QTGAL: variants seen among roughly 807,000 people sequenced by gnomAD.
QTGAL encodes queuosine-tRNA galactosyltransferase.
the QTGAL span, chr17:83,005,058 G>A: frequency 7.0e-7 from 1 of 1,419,136 alleles, no homozygotes; most frequent in Non-Finnish European, 9.7e-7. The surrounding 1 kb of genome is among the most constrained non-coding windows in gnomAD (Gnocchi z 5.6). Flanking sequence ...TAATGCATGA[G>A]ATGGCGCCCA....
the QTGAL span, among the ~76,000 whole-genome samples, chr17:82,950,896 G>A: frequency 6.6e-3 from 1,009 of 152,276 alleles, 11 homozygotes; most frequent in African/African-American, 0.023. Flanking sequence ...GGGCCTTGCC[G>A]TTCCATTTCT....
chr17:82,962,708 G>A, the QTGAL span, among the ~76,000 whole-genome samples: 2 of 152,286 alleles, frequency 1.3e-5, no homozygotes, highest in African/African-American at 4.8e-5. Flanking sequence ...TTCAAAGGCA[G>A]CTCTAAAGAG....
At chr17:82,962,765 T>C in the QTGAL span, among the ~76,000 whole-genome samples, 1 of 152,212 alleles carries the variant, frequency 6.6e-6, no homozygotes, top group African/African-American at 2.4e-5. Context: ...GAAAAAAGGT[T>C]TCTCTCTTCC....
the QTGAL span, chr17:83,030,750 C>T: frequency 6.6e-6 from 1 of 152,368 alleles, no homozygotes; most frequent in Admixed American, 6.5e-5. Context: ...GGGCCCCTCT[C>T]CTCTCACCTG....
the QTGAL span, among the ~76,000 whole-genome samples, chr17:82,982,520 C>T: frequency 0.72 from 102,862 of 141,994 alleles, 35,064 homozygotes; most frequent in East Asian, 0.82. Context: ...TCAGAGCCCA[C>T]GAAAGGGCCT....
the QTGAL span, among the ~76,000 whole-genome samples, chr17:83,018,951 C>T: frequency 8.5e-5 from 13 of 152,338 alleles, no homozygotes; most frequent in Admixed American, 4.6e-4. Flanking sequence ...GTGGCACTCA[C>T]TGTCACTCCT....
the QTGAL span, among the ~76,000 whole-genome samples, chr17:83,039,300 C>A: frequency 5.4e-5 from 5 of 91,988 alleles, no homozygotes; most frequent in East Asian, 3.5e-4. Context: ...CGCCGCCCGC[C>A]CCTCTTCTAG....
the QTGAL span, chr17:83,014,336 G>A: frequency 8.9e-7 from 1 of 1,128,918 alleles, no homozygotes. Flanking sequence ...CCCTCTCCGT[G>A]ACTTGACAGT....
At chr17:82,969,362 T>C in the QTGAL span, among the ~76,000 whole-genome samples, 2 of 151,910 alleles carry the variant, frequency 1.3e-5, no homozygotes, top group African/African-American at 4.8e-5. Flanking sequence ...TTTCGCTACA[T>C]TGCCCAGGGC....
chr17:82,993,691 C>T, the QTGAL span, among the ~76,000 whole-genome samples: 1 of 151,970 alleles, frequency 6.6e-6, no homozygotes, highest in Admixed American at 6.6e-5. Flanking sequence ...ACATTCTTTT[C>T]CGCAGCACAT....
At chr17:83,010,780 G>A in the QTGAL span, among the ~76,000 whole-genome samples, 2 of 152,230 alleles carry the variant, frequency 1.3e-5, no homozygotes, top group African/African-American at 4.8e-5. Context: ...CAGGCAAGGA[G>A]CGGGGAACGG....
At chr17:82,977,462 T>C in the QTGAL span, among the ~76,000 whole-genome samples, 1 of 152,132 alleles carries the variant, frequency 6.6e-6, no homozygotes, top group African/African-American at 2.4e-5. Flanking sequence ...CAGTGGTCTC[T>C]ACCCCTTGGT....
At chr17:82,942,595 C>G in the QTGAL span, 3 of 1,227,296 alleles carry the variant, frequency 2.4e-6, no homozygotes, top group Non-Finnish European at 3.5e-6. Context: ...TGGAGGCTGG[C>G]ACTAGCTGAC....
the QTGAL span, among the ~76,000 whole-genome samples, chr17:83,020,702 C>T: frequency 6.6e-6 from 1 of 152,176 alleles, no homozygotes; most frequent in Non-Finnish European, 1.5e-5. Context: ...AAACCAGCGT[C>T]TCAAAGAGTT....
At chr17:83,015,032 C>T in the QTGAL span, among the ~76,000 whole-genome samples, 8 of 150,418 alleles carry the variant, frequency 5.3e-5, no homozygotes, top group Non-Finnish European at 7.4e-5. The surrounding 1 kb of genome is among the most constrained non-coding windows in gnomAD (Gnocchi z 4.4). Flanking sequence ...CCTGCCACCA[C>T]TGTTGAGGGG....
the QTGAL span, among the ~76,000 whole-genome samples, chr17:82,968,789 C>T: frequency 6.6e-6 from 1 of 152,034 alleles, no homozygotes; most frequent in Non-Finnish European, 1.5e-5. Flanking sequence ...CACTTGAGGT[C>T]GGGAGTTCGA....
the QTGAL span, among the ~76,000 whole-genome samples, chr17:83,001,969 G>A: frequency 7.9e-5 from 12 of 151,598 alleles, no homozygotes; most frequent in Non-Finnish European, 1.6e-4. Flanking sequence ...ACTATATTGC[G>A]CAGACTGGTC....
At chr17:83,029,040 G>T in the QTGAL span, among the ~76,000 whole-genome samples, 1 of 152,234 alleles carries the variant, frequency 6.6e-6, no homozygotes, top group Non-Finnish European at 1.5e-5. Flanking sequence ...AAGCCCTGGG[G>T]CTCCAAGTCA....
the QTGAL span, among the ~76,000 whole-genome samples, chr17:83,031,228 G>A: frequency 6.6e-6 from 1 of 152,258 alleles, no homozygotes; most frequent in Admixed American, 6.5e-5. Context: ...AGGGAAGGGT[G>A]TAAACTCAGC....
Sources: gnomAD v4.1 joint callset for allele counts (sites outside exome capture counted in the v4.1 genomes callset) on GRCh38, gnomAD v4.1.1 for gene constraint, Gnocchi (gnomAD v3.1) non-coding constraint, MANE v1.5 for transcripts, NCBI Gene and HGNC (gene_info 2026-07-23, HGNC 2026-07-21) for gene names.